Variants in POMT2 observed in about 807,000 individuals in gnomAD.
POMT2 encodes the protein protein O-mannosyltransferase 2, also known as protein O-mannosyl-transferase 2.
In POMT2, 75 loss-of-function variants were observed where a neutral mutation model predicts 100.0. That is an observed-to-expected ratio of 0.75 (90% confidence interval 0.62 to 0.91). The LOEUF (loss-of-function observed/expected upper bound fraction) is 0.91, where lower values mean the gene tolerates loss of function less well. Ranked by LOEUF, POMT2 falls within the 40% of genes least tolerant of loss-of-function variation. The probability of loss-of-function intolerance (pLI) is 0.00; values close to 1 mark genes in which losing one functional copy is unlikely to be tolerated. For synonymous variants in POMT2, 378 were observed against 374.1 expected (o/e 1.01, Z -0.12); for missense variants, 940 against 955.1 (o/e 0.98, Z 0.21).
chr14:77,278,601 G>C, intron 19 of POMT2, 93 bp from the exon 20 acceptor site: 1 of 1,474,602 alleles, frequency 6.8e-7, no homozygotes, highest in South Asian at 1.2e-5. Context: ...GGAGCAGAGA[G>C]TCACTCCCAG....
At chr14:77,279,150 G>A in intron 18 of POMT2, 1 of 516,084 alleles carries the variant, frequency 1.9e-6, no homozygotes. Flanking sequence ...CCTGCAGACA[G>A]CTTCACTCCC....
chr14:77,278,456 C>A lies in POMT2; in HGVS notation c.2085G>T (p.Trp695Cys), dbSNP rs398124263. ...CCACATGTATGCCCCTCGCCAGGGG[C>A]CATGAGGCCAAGCCCCAGGCACAGA... ...LRLCAWGLAS[W>C]PLARGIHVAG... The change falls in exon 20 of 21, where the codon TGG becomes TGT. Residue 695 changes from tryptophan (W) to cysteine (C), a missense_variant. Coordinates refer to ENST00000261534, the MANE Select transcript of POMT2 (RefSeq NM_013382.7). 3.2e-5 allele frequency: 48 copies of A among 1,506,362 alleles called. No individual in the cohort carries two copies. The highest frequency in any genetic ancestry group is 4.1e-5 in the Non-Finnish European group (45 of 1,106,166). The allele number at this position is 1,506,362 out of a possible 1,614,324, so 93.3% of individuals were successfully genotyped here. A position where few individuals can be genotyped will look rare whatever the true frequency, so the allele number is the denominator to read the frequency against.
chr14:77,308,809 G>A (rs992331043), intron 2 of POMT2: 2 of 447,736 alleles, frequency 4.5e-6, no homozygotes, highest in Non-Finnish European at 4.5e-6. Flanking sequence ...CATATTCTTC[G>A]ATTTTTTAGC....
chr14:77,284,244 A>G, intron 14 of POMT2: 1 of 334,488 alleles, frequency 3.0e-6, no homozygotes, highest in South Asian at 2.7e-5. Context: ...ATGAGGAATA[A>G]ATCATTCTGG....
chr14:77,299,391 C>G, intron 7 of POMT2, 64 bp downstream of exon 7: 1 of 1,416,612 alleles, frequency 7.1e-7, no homozygotes, highest in Non-Finnish European at 1.0e-6. Context: ...TCATCCGACC[C>G]CTCCACAGGC....
At chr14:77,293,944 C>A (rs1382778061) in intron 9 of POMT2, among the ~76,000 whole-genome samples, 1 of 152,174 alleles carries the variant, frequency 6.6e-6, no homozygotes, top group African/African-American at 2.4e-5. Flanking sequence ...CACAGAACAT[C>A]TAGTTTTCTC....
At chr14:77,284,668 C>G (rs541617658) in intron 14 of POMT2, among the ~76,000 whole-genome samples, 2 of 152,100 alleles carry the variant, frequency 1.3e-5, no homozygotes, top group Admixed American at 1.3e-4. Context: ...TGGGGAGGTG[C>G]CCATGGTGCA....
Position 77,296,175 on chromosome 14 carries a change from G to T in POMT2, c.1105C>A (p.Arg369Ser). The change falls in exon 9 of 21, where the codon CGT (arginine) becomes AGT (serine). Residue 369 changes from arginine to serine, a missense_variant. Arg to Ser is a moderately radical substitution (Grantham distance 110). Transcript: ENST00000261534. Reference protein sequence around the residue: ...RHLYPEGIGARQQQVTTYLHK... With the variant: ...RHLYPEGIGASQQQVTTYLHK... ...AAAGGCTCACTGACCTGCTGCTGACGGGCACCAATGCCCTCGGGGTAGAGG... is the reference window on the plus strand; with the variant it reads ...AAAGGCTCACTGACCTGCTGCTGACTGGCACCAATGCCCTCGGGGTAGAGG... The T allele has an allele frequency of 6.2e-7, 1 of 1,602,714 alleles. No homozygotes were observed. Among genetic ancestry groups the T allele is most frequent in the Non-Finnish European group, 8.5e-7 (1 of 1,175,214 alleles).
At chr14:77,283,659 C>T (rs1890307947) in intron 15 of POMT2, 138 bp downstream of exon 15, 1 of 819,274 alleles carries the variant, frequency 1.2e-6, no homozygotes, top group Non-Finnish European at 2.1e-6. Flanking sequence ...TTGAGGATCA[C>T]AGAAAACCGT....
intron 6 of POMT2, 177 bp downstream of exon 6, chr14:77,300,913 T>C: frequency 9.3e-7 from 1 of 1,079,848 alleles, no homozygotes. Context: ...TATCCAGTCC[T>C]CAGCCGGGCC....
chr14:77,306,373 A>G lies in POMT2; in HGVS notation c.402T>C (p.Asp134=). ...CCATGTAGCTGTGATGCTCATATTT[A>G]TCCCCAGGCTTCTGGAACAAAAAGG... is the stretch of plus-strand genomic sequence containing the variant. ...DGTFLFQKPG[D]KYEHHSYMGM... is the part of the protein sequence containing the mutation. Residue 134 remains aspartate (D), a synonymous_variant, in exon 3 of 21, where the codon GAT becomes GAC. Coordinates refer to ENST00000261534, the MANE Select transcript of POMT2 (RefSeq NM_013382.7). The G allele has an allele frequency of 1.2e-6, 2 of 1,613,188 alleles. No individual in the cohort carries two copies. The highest frequency in any genetic ancestry group is 2.2e-5 in the South Asian group (2 of 91,070).
At position 77,278,710 on chromosome 14, in the gene POMT2, C is replaced by T. The variant is rs1300533131; in HGVS notation, c.2032+19G>A. 4 of 1,613,564 alleles carry T rather than the reference C, an allele frequency of 2.5e-6. No individual in the cohort carries two copies. In the Admixed American group the frequency reaches 6.7e-5, roughly 27 times the overall value. On this transcript the variant is annotated intron_variant, in intron 19 of 20. Transcript: ENST00000261534. The stretch of plus-strand genomic sequence containing the variant: ...CCTCCACCTGCTCTGTCTCCCAAGT[C>T]CAGGTGGGTGGCACTGACCTGTCAA...
chr14:77,310,912 C>T (rs1891412810), intron 2 of POMT2, among the ~76,000 whole-genome samples: 1 of 152,178 alleles, frequency 6.6e-6, no homozygotes, highest in Non-Finnish European at 1.5e-5. Context: ...GGCGGGTGGA[C>T]CACCTGAGGT....
intron 10 of POMT2, 39 bp from the exon 11 acceptor site, chr14:77,288,870 C>T (rs1394931248): frequency 6.4e-7 from 1 of 1,572,846 alleles, no homozygotes; most frequent in African/African-American, 1.4e-5. Context: ...CAAAATCACT[C>T]ACCAGGCTAG....
chr14:77,297,520 C>G (rs757700288), intron 8 of POMT2, among the ~76,000 whole-genome samples: 1 of 152,222 alleles, frequency 6.6e-6, no homozygotes, highest in Non-Finnish European at 1.5e-5. Context: ...CAACCCCTCT[C>G]GCGTGGAATT....
Position 77,302,788 on chromosome 14 carries a change from G to A in POMT2, c.656+47C>T, listed in dbSNP as rs1891089543. 3.9e-6 allele frequency: 6 copies of A among 1,526,874 alleles called. No homozygotes were observed. In the East Asian group the frequency reaches 1.4e-4, roughly 35 times the overall value. 94.6% of individuals were successfully genotyped at this position (1,526,874 alleles called of 1,614,324 possible). A position where few individuals can be genotyped will look rare whatever the true frequency, so the allele number is the denominator to read the frequency against. ...CCCTGGCCATTACAGAAATTTTGGA[G>A]TTGCCACAGCTTCCAACCCTCCCCT... On this transcript the variant is annotated intron_variant, in intron 5 of 20. Transcript: ENST00000261534.
At chr14:77,283,518 C>A (rs781071892) in intron 15 of POMT2, among the ~76,000 whole-genome samples, 3 of 152,204 alleles carry the variant, frequency 2.0e-5, no homozygotes, top group Non-Finnish European at 4.4e-5. Context: ...ATGATGGCAA[C>A]CTCCATATGA....
chr14:77,285,105 G>T, intron 13 of POMT2, 64 bp from the exon 14 acceptor site: 1 of 1,332,576 alleles, frequency 7.5e-7, no homozygotes. Flanking sequence ...GAGTGACACT[G>T]TCTTCTGCTC....
intron 13 of POMT2, 200 bp downstream of exon 13, chr14:77,285,281 A>T (rs1223828707): frequency 1.3e-6 from 1 of 752,960 alleles, no homozygotes; most frequent in Non-Finnish European, 2.1e-6. Context: ...ATGTTGAACT[A>T]TCAGAACACA....
Sources: gnomAD v4.1 joint callset for allele counts (sites outside exome capture counted in the v4.1 genomes callset) on GRCh38, gnomAD v4.1.1 for gene constraint, MANE v1.5 for transcripts, NCBI Gene and HGNC (gene_info 2026-07-23, HGNC 2026-07-21) for gene names.